Variants in ZP2 observed in about 807,000 individuals in gnomAD.
ZP2 encodes the protein zona pellucida glycoprotein 2, also known as zona pellucida sperm-binding protein 2.
ZP2 carries 51 observed loss-of-function variants against 84.0 expected under a neutral mutation model. The observed-to-expected ratio is 0.61, with a 90% confidence interval of 0.49 to 0.77. ZP2 has a LOEUF of 0.77. Ranked by LOEUF, ZP2 falls within the 30% of genes least tolerant of loss-of-function variation. ZP2 has a pLI of 0.00. For missense variants in ZP2, 909 were observed against 911.9 expected (o/e 1.00, Z 0.04); for synonymous variants, 375 against 330.9 (o/e 1.13, Z -1.45).
At chr16:21,207,805 G>A (rs187127946) in intron 4 of ZP2, among the ~76,000 whole-genome samples, 3 of 152,010 alleles carry the variant, frequency 2.0e-5, no homozygotes, top group South Asian at 2.1e-4. Context: ...GCAGTGAGCC[G>A]AGATTATGCC....
chr16:21,207,281 G>C (rs533202556), intron 4 of ZP2, among the ~76,000 whole-genome samples: 1 of 152,030 alleles, frequency 6.6e-6, no homozygotes, highest in African/African-American at 2.4e-5. Context: ...TTGGTATGGG[G>C]CTTCTACCCA....
At chr16:21,209,451 G>C (rs73537731) in intron 4 of ZP2, among the ~76,000 whole-genome samples, 180 bp downstream of exon 4, 22,828 of 152,144 alleles carry the variant, frequency 0.15, 1,859 homozygotes, top group African/African-American at 0.19. Context: ...TTATAGGCGT[G>C]AGCCATCACA....
At chr16:21,209,891 C>T (rs2093266612) in intron 3 of ZP2, 166 bp from the exon 4 acceptor site, 2 of 715,908 alleles carry the variant, frequency 2.8e-6, no homozygotes, top group Non-Finnish European at 4.8e-6. Context: ...GACTTGCAGC[C>T]AGAGGCTTCC....
At chr16:21,199,347 A>G (rs767107296) in intron 16 of ZP2, among the ~76,000 whole-genome samples, 25 of 141,114 alleles carry the variant, frequency 1.8e-4, no homozygotes, top group Admixed American at 2.9e-4. Flanking sequence ...AAAAAAAAGG[A>G]TAGATTCTTA....
chr16:21,198,727 TA>T, intron 17 of ZP2, 51 bp downstream of exon 17: 1 of 1,535,970 alleles, frequency 6.5e-7, no homozygotes, highest in South Asian at 1.1e-5. Flanking sequence ...CCGCTTGGCA[TA>T]AAAAGCTAAG....
chr16:21,198,069 T>A (rs958716544), intron 17 of ZP2: 27 of 479,502 alleles, frequency 5.6e-5, no homozygotes, highest in Non-Finnish European at 9.2e-5. Context: ...AATCTTTGAC[T>A]ACTATACAAG....
chr16:21,202,259 T>A lies in ZP2; in HGVS notation c.1132A>T (p.Met378Leu), dbSNP rs763245616. 12 of 1,545,174 alleles carry A rather than the reference T, an allele frequency of 7.8e-6. No homozygotes were observed. The highest frequency in any genetic ancestry group is 9.6e-6 in the Non-Finnish European group (11 of 1,151,014). The change falls in exon 11 of 19, where the codon ATG (methionine) becomes TTG (leucine). Residue 378 changes from methionine (M) to leucine (L), a missense_variant. Transcript: ENST00000574091. Reference protein sequence around the residue: ...TGELCTQDGFMDVEVYSYQTQ... With the variant: ...TGELCTQDGFLDVEVYSYQTQ... ...TGGTAGCTGTAGACCTCGACGTCCA[T>A]AAACCCATCCTGGGTGCACAGCTCC... is the stretch of plus-strand genomic sequence containing the variant.
upstream of ZP2, chr16:21,211,762 G>T: frequency 6.9e-7 from 1 of 1,459,492 alleles, no homozygotes; most frequent in Non-Finnish European, 9.0e-7. Flanking sequence ...GGCCAGGCAT[G>T]AAATCAGAGT....
At chr16:21,197,959 G>C in intron 17 of ZP2, 110 bp from the exon 18 acceptor site, 2 of 1,059,804 alleles carry the variant, frequency 1.9e-6, no homozygotes, top group African/African-American at 3.1e-5. Flanking sequence ...TCTCAGGTAA[G>C]GGTATGTGTT....
chr16:21,208,983 T>C (rs1435501256), intron 4 of ZP2, among the ~76,000 whole-genome samples: 1 of 152,170 alleles, frequency 6.6e-6, no homozygotes, highest in Admixed American at 6.5e-5. Flanking sequence ...AATGCCAGGG[T>C]TTCTCATCCT....
At chr16:21,211,209 G>A in intron 2 of ZP2, 98 bp downstream of exon 2, 1 of 1,028,190 alleles carries the variant, frequency 9.7e-7, no homozygotes, top group Admixed American at 1.9e-5. Flanking sequence ...GGTGAATGGA[G>A]GTTGTCTGAG....
chr16:21,208,786 C>T (rs1311548901), intron 4 of ZP2, among the ~76,000 whole-genome samples: 1 of 152,182 alleles, frequency 6.6e-6, no homozygotes, highest in African/African-American at 2.4e-5. Context: ...GCTCGTGTTT[C>T]ATCACTTGTT....
chr16:21,197,825 G>A lies in ZP2; in HGVS notation c.2036C>T (p.Ala679Val). Residue 679 changes from alanine to valine, a missense_variant, in exon 18 of 19, where the codon GCA becomes GTA. Ala to Val is a moderately conservative substitution (Grantham distance 64). Coordinates refer to ENST00000574091, the MANE Select transcript of ZP2 (RefSeq NM_001376232.1). ...FRGVGSSDLK[A>V]SGSSGEKSRS... is the part of the protein sequence containing the mutation. ...ACTCTTCTCCCCACTGCTCCCACTT[G>A]CTTTTAGATCAGATGAGCCGACACC... 5 of 1,614,120 alleles carry A rather than the reference G, an allele frequency of 3.1e-6. No individual in the cohort carries two copies. The highest frequency in any genetic ancestry group is 4.2e-6 in the Non-Finnish European group (5 of 1,180,010).
chr16:21,201,390 T>C lies in ZP2; in HGVS notation c.1673A>G (p.Gln558Arg). The C allele has an allele frequency of 6.3e-7, 1 of 1,586,484 alleles. No homozygotes were observed. Among genetic ancestry groups the C allele is most frequent in the Non-Finnish European group, 8.6e-7 (1 of 1,165,806 alleles). Residue 558 changes from glutamine (Q) to arginine (R), a missense_variant, in exon 14 of 19, where the codon CAG becomes CGG. By Grantham distance (43) the Gln-to-Arg change is conservative. Coordinates refer to ENST00000574091, the MANE Select transcript of ZP2 (RefSeq NM_001376232.1). ...TSTMDPDSFP[Q>R]WNVVVDGCAY... ...CTACCCATCCACGACAACGTTCCACTGGGGGAAAGAGTCTGGATCCATGGT... is the reference window on the plus strand; with the variant it reads ...CTACCCATCCACGACAACGTTCCACCGGGGGAAAGAGTCTGGATCCATGGT...
upstream of ZP2, among the ~76,000 whole-genome samples, chr16:21,214,001 C>A (rs549552741): frequency 6.6e-6 from 1 of 151,856 alleles, no homozygotes; most frequent in South Asian, 2.1e-4. Context: ...CCTCAGACCC[C>A]ACCTCCCTTC....
chr16:21,199,451 A>C, intron 16 of ZP2, 119 bp downstream of exon 16: 1 of 921,404 alleles, frequency 1.1e-6, no homozygotes, highest in Non-Finnish European at 1.6e-6. Context: ...GACTGGGCCA[A>C]CAAGAGCTCT....
Position 21,197,471 on chromosome 16 carries a change from G to T in ZP2, c.*9C>A. 6.2e-7 allele frequency: 1 copy of T among 1,613,952 alleles called. No individual in the cohort carries two copies. The highest frequency in any genetic ancestry group is 1.1e-5 in the South Asian group (1 of 91,060). ...AGGCTTATTTTGACTGCTTTATTTAGAAGCCCATTTAGTGATTTGACACAG... is the reference window on the plus strand; with the variant it reads ...AGGCTTATTTTGACTGCTTTATTTATAAGCCCATTTAGTGATTTGACACAG... On this transcript the variant is annotated 3_prime_UTR_variant, in exon 19 of 19. Coordinates refer to ENST00000574091, the MANE Select transcript of ZP2 (RefSeq NM_001376232.1).
chr16:21,200,956 T>TG (rs1257186647), intron 14 of ZP2, among the ~76,000 whole-genome samples: 1 of 152,166 alleles, frequency 6.6e-6, no homozygotes, highest in Admixed American at 6.5e-5. Flanking sequence ...CCCAGTACTT[T>TG]GGGAGGCCAA....
chr16:21,198,699 A>G, intron 17 of ZP2, 80 bp downstream of exon 17: 1 of 1,157,786 alleles, frequency 8.6e-7, no homozygotes, highest in Non-Finnish European at 1.3e-6. Flanking sequence ...ACGGGTACAT[A>G]GTATATGTAA....
Sources: gnomAD v4.1 joint callset for allele counts (sites outside exome capture counted in the v4.1 genomes callset) on GRCh38, gnomAD v4.1.1 for gene constraint, MANE v1.5 for transcripts, NCBI Gene and HGNC (gene_info 2026-07-23, HGNC 2026-07-21) for gene names.